The following DNAH10 variants were observed in gnomAD, a reference collection of about 807,000 sequenced individuals.
DNAH10 encodes the protein axonemal beta dynein heavy chain 10.
A neutral mutation model predicts 506.6 loss-of-function variants in DNAH10; 348 were observed. That is an observed-to-expected ratio of 0.69 (90% CI 0.63 to 0.75). DNAH10 has a LOEUF of 0.75. Ranked by LOEUF, DNAH10 falls within the 30% of genes least tolerant of loss-of-function variation. DNAH10 has a pLI of 0.00. For synonymous variants in DNAH10, 2,059 were observed against 2,198.6 expected (o/e 0.94, Z 1.78); for missense variants, 5,179 against 5,787.1 (o/e 0.89, Z 3.41).
Position 123,928,972 on chromosome 12 carries a change from T to G in DNAH10, c.12307-303T>G. 6.2e-6 allele frequency: 3 copies of G among 485,752 alleles called. No individual in the cohort carries two copies. Among genetic ancestry groups the G allele is most frequent in the Non-Finnish European group, 1.1e-5 (3 of 278,220 alleles). The allele number at this position is 485,752 out of a possible 1,614,324, so 30.1% of individuals were successfully genotyped here. On this transcript the variant is annotated intron_variant, in intron 70 of 78. Transcript: ENST00000673944. The surrounding 1 kb of genome is among the most constrained non-coding windows in gnomAD (Gnocchi z 4.9). ...AAATTCTTTTGGAAAGGTTTTGTCA[T>G]TCTCTGTCTCTCTCTCTCTCTCTGG...
In DNAH10 at chr12:123,850,820, C is replaced by T. The variant is rs1398454732; in HGVS notation, c.6103-68C>T. ...ATCGCCACGCAGCTCGCCGCAGGCC[C>T]CCTTTCCAAGGGGCTGGCCGGCCGG... is the stretch of plus-strand genomic sequence containing the variant. On this transcript the variant is annotated intron_variant, in intron 34 of 78. Transcript: ENST00000673944. The surrounding 1 kb of genome is among the most constrained non-coding windows in gnomAD (Gnocchi z 5.5). 2 of 1,510,724 alleles carry T rather than the reference C, an allele frequency of 1.3e-6. No individual in the cohort carries two copies. Among genetic ancestry groups the T allele is most frequent in the Admixed American group, 2.0e-5 (1 of 50,188 alleles). The allele number at this position is 1,510,724 out of a possible 1,614,324, so 93.6% of individuals were successfully genotyped here.
In DNAH10 at chr12:123,796,846, G is replaced by C. The variant is rs757891633; in HGVS notation, c.2163+14G>C. The C allele has an allele frequency of 1.9e-4, 305 of 1,571,298 alleles. No individual in the cohort carries two copies. Among genetic ancestry groups the C allele is most frequent in the Non-Finnish European group, 2.6e-4 (298 of 1,162,768 alleles). ...CGAGGACAGGAGGTATGTTGCTCTT[G>C]CTAGAATTGGCTCCTTTTGTATTTG... On this transcript the variant is annotated intron_variant, in intron 13 of 78. Transcript: ENST00000673944.
chr12:123,870,940 A>G (rs768678980), intron 44 of DNAH10, among the ~76,000 whole-genome samples: 6 of 152,224 alleles, frequency 3.9e-5, no homozygotes, highest in Non-Finnish European at 5.9e-5. Flanking sequence ...TTCAGATAAA[A>G]TATAGGCTGG....
rs148464813 is a variant in DNAH10 at position 123,836,707 on chromosome 12, T to C, written c.4902+1179T>C. On this transcript the variant is annotated intron_variant, in intron 28 of 78. Coordinates refer to ENST00000673944, the MANE Select transcript of DNAH10 (RefSeq NM_001372106.1). The stretch of plus-strand genomic sequence containing the variant: ...ATATAATTGTTGCATAAGCTCTTTT[T>C]TTAAACTTAAAAGAATTGTACAACA... Among the ~76,000 whole-genome samples the C allele has an allele frequency of 6.2e-4, 95 of 152,332 alleles. 1 individual carries two copies. The highest frequency in any genetic ancestry group is 1.6e-3 in the African/African-American group (68 of 41,566).
At chr12:123,795,426 G>A (rs1244892465) in intron 12 of DNAH10, among the ~76,000 whole-genome samples, 1 of 152,008 alleles carries the variant, frequency 6.6e-6, no homozygotes, top group Non-Finnish European at 1.5e-5. Flanking sequence ...TGTTCCCTTC[G>A]GGAGTCTCTA....
chr12:123,929,341 G>A lies in DNAH10; in HGVS notation c.12373G>A (p.Glu4125Lys), dbSNP rs1244768802. 8 of 1,609,224 alleles carry A rather than the reference G, an allele frequency of 5.0e-6. No individual in the cohort carries two copies. Among genetic ancestry groups the A allele is most frequent in the South Asian group, 4.5e-5 (4 of 89,848 alleles). ...GGCAACTTACTTCAAGATCTCTCAC[G>A]AAATGCTGGACCAGTGCCCGCACCC... is the stretch of plus-strand genomic sequence containing the variant. ...MRATYFKISH[E>K]MLDQCPHPAF... is the part of the protein sequence containing the mutation. Residue 4125 changes from glutamate to lysine, a missense_variant, in exon 71 of 79, where the codon GAA becomes AAA. This residue lies in a region of DNAH10 where 4,844 missense variants were observed against 5,430.5 expected (regional missense o/e 0.89). Transcript: ENST00000673944.
At chr12:123,892,162 C>T (rs1168734757) in intron 52 of DNAH10, among the ~76,000 whole-genome samples, 1 of 152,214 alleles carries the variant, frequency 6.6e-6, no homozygotes, top group Non-Finnish European at 1.5e-5. Context: ...TAAAGAAATA[C>T]CTTAGACTGG....
intron 57 of DNAH10, among the ~76,000 whole-genome samples, chr12:123,906,682 T>C (rs1862954385): frequency 1.3e-5 from 2 of 152,226 alleles, no homozygotes; most frequent in Admixed American, 1.3e-4. Flanking sequence ...ATTGAGGATT[T>C]TTTTCCTGGG....
At chr12:123,799,187 G>GGTGGA in intron 13 of DNAH10, 59 bp from the exon 14 acceptor site, 1 of 1,200,600 alleles carries the variant, frequency 8.3e-7, no homozygotes, top group South Asian at 2.2e-5. Flanking sequence ...TCTGTGTAGA[G>GGTGGA]CGAGATGAAA....
chr12:123,898,538 A>G, intron 55 of DNAH10, 115 bp from the exon 56 acceptor site: 1 of 1,310,430 alleles, frequency 7.6e-7, no homozygotes, highest in Non-Finnish European at 1.0e-6. Flanking sequence ...GACATGTGCC[A>G]TCTTGTAAAA....
At position 123,926,730 on chromosome 12, in the gene DNAH10, C is replaced by T. The variant is rs772985095; in HGVS notation, c.12015C>T (p.Asp4005=). 1.2e-5 allele frequency: 19 copies of T among 1,613,890 alleles called. No homozygotes were observed. In the East Asian group the frequency reaches 2.2e-4, roughly 19 times the overall value. ...TGTTTATCCTGAGTCCTGGCTCCGA[C>T]CCTGCCACTGATCTTATGAAATTAG... The part of the protein sequence containing the change: ...PIVFILSPGS[D]PATDLMKLAE... Residue 4005 remains aspartate (D), a synonymous_variant, in exon 69 of 79, where the codon GAC becomes GAT. Coordinates refer to ENST00000673944, the MANE Select transcript of DNAH10 (RefSeq NM_001372106.1). This position sits in a 1 kb window ranked among gnomAD's most constrained non-coding sequence, Gnocchi z 4.1.
intron 27 of DNAH10, 106 bp from the exon 28 acceptor site, chr12:123,835,300 C>CA: frequency 3.0e-6 from 4 of 1,342,268 alleles, no homozygotes; most frequent in Non-Finnish European, 3.0e-6. Flanking sequence ...AAGGTCCTCC[C>CA]ACCTGAGTTG....
intron 13 of DNAH10, among the ~76,000 whole-genome samples, chr12:123,797,833 A>G (rs949464152): frequency 2.6e-5 from 4 of 152,120 alleles, no homozygotes; most frequent in Non-Finnish European, 4.4e-5. Flanking sequence ...CCCCCCACCC[A>G]TGGATTTTTA....
chr12:123,834,490 G>A (rs1472502768), intron 27 of DNAH10, among the ~76,000 whole-genome samples: 1 of 152,200 alleles, frequency 6.6e-6, no homozygotes, highest in African/African-American at 2.4e-5. Context: ...TTATAGGCAT[G>A]AGCCACTGTG....
chr12:123,804,829 C>G lies in DNAH10; in HGVS notation c.2780-4C>G, dbSNP rs371700472. ...ACAGCTCTAACAGACATCTTTCTCT[C>G]CAGGCGTGAAGGAATTTTTTGAACA... On this transcript the variant is annotated splice_region_variant and splice_polypyrimidine_tract_variant and intron_variant, in intron 17 of 78. Coordinates refer to ENST00000673944, the MANE Select transcript of DNAH10 (RefSeq NM_001372106.1). 5.0e-6 allele frequency: 8 copies of G among 1,608,234 alleles called. No homozygotes were observed. Among genetic ancestry groups the G allele is most frequent in the South Asian group, 2.2e-5 (2 of 90,934 alleles).
At chr12:123,856,346 ATCTT>A (rs1446391607) in intron 36 of DNAH10, among the ~76,000 whole-genome samples, 1 of 149,380 alleles carries the variant, frequency 6.7e-6, no homozygotes, top group African/African-American at 2.5e-5. Flanking sequence ...CTATCTATCT[ATCTT>A]TTTTTCGAGA....
intron 77 of DNAH10, 162 bp from the exon 78 acceptor site, chr12:123,934,458 TG>T: frequency 2.3e-6 from 2 of 859,582 alleles, no homozygotes; most frequent in South Asian, 1.5e-5. Context: ...AGAGGGAAGG[TG>T]GGCAGGACAG....
Position 123,867,464 on chromosome 12 carries a change from T to C in DNAH10, c.7168-3T>C, listed in dbSNP as rs765270255. The C allele has an allele frequency of 8.7e-6, 14 of 1,608,336 alleles. No homozygotes were observed. The South Asian group carries it at 1.6e-4, about 18-fold the overall frequency. ...AATGCTTTGGAATGCTACTTTTTTA[T>C]AGGTGGAGCAATACAATTTGAATAG... On this transcript the variant is annotated splice_polypyrimidine_tract_variant and splice_region_variant and intron_variant, in intron 41 of 78. Transcript: ENST00000673944.
intron 59 of DNAH10, among the ~76,000 whole-genome samples, chr12:123,912,482 G>T (rs1479827587): frequency 2.2e-5 from 2 of 91,772 alleles, no homozygotes; most frequent in African/African-American, 4.3e-5. Context: ...CCTGGGGGGG[G>T]GTCTGTCCTG....
Sources: gnomAD v4.1 joint callset for allele counts (sites outside exome capture counted in the v4.1 genomes callset) on GRCh38, gnomAD v4.1.1 for gene constraint, gnomAD v4.1.1 regional missense constraint, Gnocchi (gnomAD v3.1) non-coding constraint, MANE v1.5 for transcripts, NCBI Gene and HGNC (gene_info 2026-07-23, HGNC 2026-07-21) for gene names.